The following PDE3B variants were observed in gnomAD, a reference collection of about 807,000 sequenced individuals.
PDE3B encodes the protein phosphodiesterase 3B.
A neutral mutation model predicts 116.8 loss-of-function variants in PDE3B; 66 were observed. That is an observed-to-expected ratio of 0.56 (90% CI 0.46 to 0.69). The LOEUF (loss-of-function observed/expected upper bound fraction) is 0.69. PDE3B is among the 30% of genes least tolerant of loss of function. The pLI, the probability that PDE3B is intolerant of heterozygous loss-of-function variation, is 0.00. For synonymous variants in PDE3B, 595 were observed against 533.6 expected, an observed-to-expected ratio of 1.12 and a Z score of -1.59; for missense variants, 1,384 against 1,368.1, an observed-to-expected ratio of 1.01 and a Z score of -0.18.
rs1048853030 is a variant in PDE3B at position 14,643,963 on chromosome 11, G to C, written c.-113G>C. The C allele has an allele frequency of 1.9e-5, 26 of 1,362,106 alleles. No homozygotes were observed. The Admixed American group carries it at 6.4e-4, about 34-fold the overall frequency. 84.4% of individuals were successfully genotyped at this position (1,362,106 alleles called of 1,614,324 possible). ...CCGTGGCGGCCGGCGCAGCCCTGAC[G>C]GGTTGCGAACCAGGGGGCGCCCCGA... On this transcript the variant is annotated 5_prime_UTR_variant, in exon 1 of 16. Transcript: ENST00000282096.
intron 2 of PDE3B, among the ~76,000 whole-genome samples, chr11:14,782,495 A>G (rs2133911136): frequency 1.3e-5 from 2 of 152,328 alleles, no homozygotes; most frequent in East Asian, 3.9e-4. Context: ...ACCTGATAAA[A>G]ACAAGAAATA....
intron 1 of PDE3B, among the ~76,000 whole-genome samples, chr11:14,732,353 T>TA (rs1260845780): frequency 2.0e-5 from 3 of 152,216 alleles, no homozygotes; most frequent in Non-Finnish European, 4.4e-5. Context: ...TAGGAGCTGT[T>TA]AATGCCCAGT....
chr11:14,892,339 C>G, the PDE3B span: 1 of 817,194 alleles, frequency 1.2e-6, no homozygotes, highest in Admixed American at 2.5e-5. Flanking sequence ...ACTGAGTGAG[C>G]GCTCAGGCCC....
At position 14,654,787 on chromosome 11, in the gene PDE3B, TACACACACACACAC is replaced by T. The variant is rs59557281; in HGVS notation, c.978+9766_978+9779del. Among the ~76,000 whole-genome samples, 285 of 142,086 alleles carry T rather than the reference TACACACACACACAC, an allele frequency of 2.0e-3. 2 individuals are homozygous for T. Among genetic ancestry groups the T allele is most frequent in the Middle Eastern group, 7.3e-3 (2 of 274 alleles). The allele number at this position is 142,086 out of a possible 152,430, so 93.2% of individuals were successfully genotyped here. A position where few individuals can be genotyped will look rare whatever the true frequency, so the allele number is the denominator to read the frequency against. On this transcript the variant is annotated intron_variant, in intron 1 of 15. Transcript: ENST00000282096. ...TGTTTATATATACACAGCAGCTGTC[TACACACACACACAC>T]ACACACACACACACACACACACACA...
intron 5 of PDE3B, among the ~76,000 whole-genome samples, chr11:14,804,917 C>T (rs1222524749): frequency 2.0e-5 from 3 of 151,870 alleles, no homozygotes; most frequent in Non-Finnish European, 2.9e-5. Flanking sequence ...GGATTGGATA[C>T]AACAGAATAC....
intron 1 of PDE3B, among the ~76,000 whole-genome samples, chr11:14,685,718 A>C (rs557382787): frequency 6.6e-6 from 1 of 152,184 alleles, no homozygotes; most frequent in South Asian, 2.1e-4. Context: ...GACCTCCCAA[A>C]GTGCTAGGAT....
intron 1 of PDE3B, among the ~76,000 whole-genome samples, chr11:14,715,207 T>A (rs1324329434): frequency 6.6e-6 from 1 of 152,146 alleles, no homozygotes; most frequent in Non-Finnish European, 1.5e-5. Context: ...GCCTCCAGCT[T>A]TTTTCTTTTG....
chr11:14,831,624 T>C lies in PDE3B; in HGVS notation c.1957-16T>C. 1 of 1,467,790 alleles carries C rather than the reference T, an allele frequency of 6.8e-7. No individual in the cohort carries two copies. Among genetic ancestry groups the C allele is most frequent in the Non-Finnish European group, 9.1e-7 (1 of 1,094,818 alleles). 90.9% of individuals were successfully genotyped at this position (1,467,790 alleles called of 1,614,324 possible). A position where few individuals can be genotyped will look rare whatever the true frequency, so the allele number is the denominator to read the frequency against. ...ATAAAAGATAAAATAAAGTTGTTGT[T>C]TCCCTGTATGTACAGATTGAACAGG... is the stretch of plus-strand genomic sequence containing the variant. On this transcript the variant is annotated splice_polypyrimidine_tract_variant and intron_variant, in intron 8 of 15. Transcript: ENST00000282096.
At chr11:14,832,496 C>T (rs1352442581) in intron 9 of PDE3B, among the ~76,000 whole-genome samples, 1 of 152,080 alleles carries the variant, frequency 6.6e-6, no homozygotes, top group Non-Finnish European at 1.5e-5. Context: ...AAAATTGGGA[C>T]ATGATATGTA....
At chr11:14,655,557 A>G (rs1042801006) in intron 1 of PDE3B, among the ~76,000 whole-genome samples, 1 of 152,224 alleles carries the variant, frequency 6.6e-6, no homozygotes, top group African/African-American at 2.4e-5. Context: ...ATATGGTTCT[A>G]TCCCTAAGGA....
At chr11:14,671,211 A>G (rs1421370553) in intron 1 of PDE3B, among the ~76,000 whole-genome samples, 1 of 152,174 alleles carries the variant, frequency 6.6e-6, no homozygotes, top group East Asian at 1.9e-4. Flanking sequence ...ATAAAACAGA[A>G]TAATAGTATA....
intron 12 of PDE3B, among the ~76,000 whole-genome samples, chr11:14,848,517 G>C (rs1360560156): frequency 6.6e-6 from 1 of 151,932 alleles, no homozygotes; most frequent in East Asian, 1.9e-4. Flanking sequence ...GGAAATAAAG[G>C]GCATTCAATT....
intron 1 of PDE3B, among the ~76,000 whole-genome samples, chr11:14,666,884 C>T (rs1399291466): frequency 1.3e-5 from 2 of 152,172 alleles, no homozygotes; most frequent in African/African-American, 4.8e-5. Flanking sequence ...GGCAATTCCT[C>T]AGGGATCTAG....
chr11:14,794,047 C>G (rs966446010), intron 4 of PDE3B, among the ~76,000 whole-genome samples: 2 of 152,164 alleles, frequency 1.3e-5, no homozygotes, highest in African/African-American at 2.4e-5. Flanking sequence ...TATTGACTGT[C>G]TAGAAGTCAG....
intron 7 of PDE3B, among the ~76,000 whole-genome samples, chr11:14,824,560 C>T (rs547823195): frequency 8.4e-4 from 128 of 152,152 alleles, no homozygotes; most frequent in African/African-American, 2.9e-3. Context: ...GACTGACTCT[C>T]TGAAATAAGA....
At chr11:14,655,199 T>C (rs1853680797) in intron 1 of PDE3B, among the ~76,000 whole-genome samples, 1 of 152,170 alleles carries the variant, frequency 6.6e-6, no homozygotes. Context: ...GTAATATTAA[T>C]ATCAGAAAAA....
chr11:14,734,956 T>G (rs1018248563), intron 1 of PDE3B, among the ~76,000 whole-genome samples: 1 of 152,210 alleles, frequency 6.6e-6, no homozygotes, highest in African/African-American at 2.4e-5. Flanking sequence ...AGCTTTCATT[T>G]TTTTCCAAAC....
At chr11:14,667,801 C>T (rs1049538362) in intron 1 of PDE3B, among the ~76,000 whole-genome samples, 2 of 150,866 alleles carry the variant, frequency 1.3e-5, no homozygotes, top group Non-Finnish European at 2.9e-5. Flanking sequence ...AACAAACTTG[C>T]ACGTTGTGCA....
chr11:14,853,117 C>CT (rs1555005538), intron 12 of PDE3B, among the ~76,000 whole-genome samples: 1 of 151,926 alleles, frequency 6.6e-6, no homozygotes, highest in Non-Finnish European at 1.5e-5. Context: ...TCTCCCTGCC[C>CT]AGAGGGCTTT....
Sources: gnomAD v4.1 joint callset for allele counts (sites outside exome capture counted in the v4.1 genomes callset) on GRCh38, gnomAD v4.1.1 for gene constraint, MANE v1.5 for transcripts, NCBI Gene and HGNC (gene_info 2026-07-23, HGNC 2026-07-21) for gene names.